WWOX: variants seen among roughly 807,000 people sequenced by gnomAD.
WWOX encodes the protein WW domain containing oxidoreductase.
Under a neutral mutation model 46.2 loss-of-function variants are expected in WWOX, and 69 were observed. The observed-to-expected ratio is 1.49, with a 90% CI of 1.23 to 1.82. WWOX has a LOEUF of 1.82. WWOX is among the 40% of genes most tolerant of loss of function. The pLI, the probability that WWOX is intolerant of heterozygous loss-of-function variation, is 0.00. For synonymous variants in WWOX, 359 were observed against 202.6 expected (o/e 1.77, Z -6.56); for missense variants, 919 against 542.6 (o/e 1.69, Z -6.89).
intron 8 of WWOX, among the ~76,000 whole-genome samples, chr16:78,617,212 G>T (rs766192320): frequency 2.6e-5 from 4 of 152,124 alleles, no homozygotes; most frequent in Admixed American, 2.6e-4. Context: ...CGGAGTTGAA[G>T]ACCAGCCTGG....
At chr16:78,161,612 A>G (rs568407701) in intron 4 of WWOX, among the ~76,000 whole-genome samples, 19 of 152,052 alleles carry the variant, frequency 1.2e-4, no homozygotes, top group Admixed American at 1.3e-4. Context: ...ACACCTGGCT[A>G]TTTCTTTTTT....
Position 78,656,684 on chromosome 16 carries a change from T to A in WWOX, c.1056+223932T>A, listed in dbSNP as rs564030638. ...TGGGGATTGCAGTTTGATGTGAAAT[T>A]TTGGCTGGGACACAAATCCCAACCA... On this transcript the variant is annotated intron_variant, in intron 8 of 8. Coordinates refer to ENST00000566780, the MANE Select transcript of WWOX (RefSeq NM_016373.4). Among the ~76,000 whole-genome samples, 9 of 152,248 alleles carry A rather than the reference T, an allele frequency of 5.9e-5. No homozygotes were observed. The South Asian group carries it at 1.9e-3, about 32-fold the overall frequency.
rs868268008 is a variant in WWOX at position 78,965,589 on chromosome 16, G to A, written c.1057-246019G>A. On this transcript the variant is annotated intron_variant, in intron 8 of 8. Coordinates refer to ENST00000566780, the MANE Select transcript of WWOX (RefSeq NM_016373.4). The stretch of plus-strand genomic sequence containing the variant: ...ATCTTAAAAAAAAAAAAAAATGCCC[G>A]CCTTATTCAGATACACAGTCTAATG... Among the ~76,000 whole-genome samples, 14 of 150,776 alleles carry A rather than the reference G, an allele frequency of 9.3e-5. No homozygotes were observed. In the South Asian group the frequency reaches 1.1e-3, roughly 11 times the overall value.
intron 8 of WWOX, among the ~76,000 whole-genome samples, chr16:79,136,931 T>C (rs1488822015): frequency 3.3e-5 from 5 of 152,232 alleles, no homozygotes; most frequent in Non-Finnish European, 7.3e-5. Context: ...ATCAATTACA[T>C]GTGATTAATC....
At chr16:78,683,959 T>C (rs914719974) in intron 8 of WWOX, among the ~76,000 whole-genome samples, 1 of 152,222 alleles carries the variant, frequency 6.6e-6, no homozygotes, top group African/African-American at 2.4e-5. Flanking sequence ...TTTGGGTAAC[T>C]GTCTCTTGCG....
rs182051934 is a variant in WWOX, at chr16:78,969,168, A to G, written c.1057-242440A>G. ...TGTGTCTGGTCTTATGGGTCTGGGC[A>G]CTGAATTCAGTCACAAACCCTAGCA... On this transcript the variant is annotated intron_variant, in intron 8 of 8. Transcript: ENST00000566780. Among the ~76,000 whole-genome samples the G allele has an allele frequency of 2.0e-3, 307 of 151,948 alleles. 1 individual carries two copies. Among genetic ancestry groups the G allele is most frequent in the African/African-American group, 6.9e-3 (287 of 41,438 alleles).
At chr16:79,094,028 A>G (rs1447467540) in intron 8 of WWOX, among the ~76,000 whole-genome samples, 2 of 152,180 alleles carry the variant, frequency 1.3e-5, no homozygotes, top group Non-Finnish European at 2.9e-5. Flanking sequence ...ATGAATGTCC[A>G]TGGGGTCACT....
chr16:78,364,092 G>A (rs1462306315), intron 5 of WWOX, among the ~76,000 whole-genome samples: 1 of 152,218 alleles, frequency 6.6e-6, no homozygotes, highest in African/African-American at 2.4e-5. Flanking sequence ...TTCAGAGCTA[G>A]TGACCTTGCC....
At chr16:79,063,496 A>G (rs1386259257) in intron 8 of WWOX, among the ~76,000 whole-genome samples, 2 of 152,242 alleles carry the variant, frequency 1.3e-5, no homozygotes, top group African/African-American at 4.8e-5. Flanking sequence ...AAAGCAAGAA[A>G]TAAAACAAAA....
chr16:78,642,066 T>C (rs999297166), intron 8 of WWOX, among the ~76,000 whole-genome samples: 1 of 152,188 alleles, frequency 6.6e-6, no homozygotes, highest in Non-Finnish European at 1.5e-5. Context: ...CTCCAGTACA[T>C]TGAGTGTGAC....
At chr16:78,998,089 T>G (rs1469730473) in intron 8 of WWOX, among the ~76,000 whole-genome samples, 1 of 152,150 alleles carries the variant, frequency 6.6e-6, no homozygotes, top group African/African-American at 2.4e-5. Context: ...TTGTTCAGGG[T>G]GGTCTTGAAC....
rs533281100 is a variant in WWOX, at chr16:78,964,252, G to A, written c.1057-247356G>A. ...CTCAGAAGAAGACAGGAAAATGTGG[G>A]AAAGTTTGGAGCTTCCTAGAGACTT... On this transcript the variant is annotated intron_variant, in intron 8 of 8. Coordinates refer to ENST00000566780, the MANE Select transcript of WWOX (RefSeq NM_016373.4). Among the ~76,000 whole-genome samples, 7 of 152,276 alleles carry A rather than the reference G, an allele frequency of 4.6e-5. No homozygotes were observed. In the South Asian group the frequency reaches 1.5e-3, roughly 32 times the overall value.
At chr16:78,738,108 C>G (rs1260035092) in intron 8 of WWOX, among the ~76,000 whole-genome samples, 1 of 152,230 alleles carries the variant, frequency 6.6e-6, no homozygotes, top group East Asian at 1.9e-4. Context: ...CTAATTATGT[C>G]TTCCTGAAAA....
intron 8 of WWOX, among the ~76,000 whole-genome samples, chr16:78,710,498 A>ATATATATT (rs941311575): frequency 2.3e-5 from 3 of 132,822 alleles, no homozygotes; most frequent in African/African-American, 8.6e-5. Context: ...ATATATATAT[A>ATATATATT]TTTATATAAA....
At chr16:78,424,735 T>A in intron 6 of WWOX, 135 bp from the exon 7 acceptor site, 1 of 1,024,734 alleles carries the variant, frequency 9.8e-7, no homozygotes, top group Non-Finnish European at 1.5e-6. Flanking sequence ...AGAAAGAATT[T>A]CTCATTCCCG....
intron 8 of WWOX, among the ~76,000 whole-genome samples, chr16:78,570,547 C>A (rs1253956989): frequency 6.6e-6 from 1 of 151,984 alleles, no homozygotes; most frequent in African/African-American, 2.4e-5. Flanking sequence ...TGCCTGGACT[C>A]AAGTGATCCT....
chr16:79,203,571 A>G (rs2051412252), intron 8 of WWOX: 1 of 151,604 alleles, frequency 6.6e-6, no homozygotes, highest in Non-Finnish European at 1.5e-5. Context: ...GTGTAAATGA[A>G]CTGTCAACCT....
chr16:78,675,730 TAGAG>T (rs1443374420), intron 8 of WWOX, among the ~76,000 whole-genome samples: 3 of 152,120 alleles, frequency 2.0e-5, no homozygotes, highest in East Asian at 1.9e-4. Flanking sequence ...ACCCTGCACT[TAGAG>T]AGGGCAAGAC....
intron 8 of WWOX, among the ~76,000 whole-genome samples, chr16:79,202,161 G>A (rs2051367358): frequency 6.6e-6 from 1 of 152,174 alleles, no homozygotes; most frequent in African/African-American, 2.4e-5. Flanking sequence ...GATCGTGCCA[G>A]ACATTATATG....
Sources: allele counts gnomAD v4.1 joint callset (sites outside exome capture counted in the v4.1 genomes callset), GRCh38; gene constraint gnomAD v4.1.1; transcripts MANE v1.5; gene names NCBI Gene and HGNC (gene_info 2026-07-23, HGNC 2026-07-21).